SEMA5B: variants seen among roughly 807,000 people sequenced by gnomAD.
The protein encoded by SEMA5B is semaphorin 5B, also known as semaphorin-5B.
A neutral mutation model predicts 135.0 loss-of-function variants in SEMA5B; 66 were observed. The ratio of observed to expected loss-of-function variants is 0.49; its 90% CI spans 0.40 to 0.60. The LOEUF is 0.60. Among genes scored for constraint, SEMA5B ranks in the 20% least tolerant of loss-of-function variants. The pLI is 0.00. For missense variants in SEMA5B, 1,501 were observed against 1,566.3 expected, an observed-to-expected ratio of 0.96 and a Z score of 0.70; for synonymous variants, 690 against 639.5, an observed-to-expected ratio of 1.08 and a Z score of -1.19.
At chr3:122,959,014 G>T (rs756767870) in intron 2 of SEMA5B, among the ~76,000 whole-genome samples, 2 of 152,190 alleles carry the variant, frequency 1.3e-5, no homozygotes, top group Admixed American at 1.3e-4. Context: ...AACAAGAAGG[G>T]CTCTGACACA....
In SEMA5B at chr3:122,928,504, C is replaced by A; in HGVS notation, c.636+13G>T. On this transcript the variant is annotated intron_variant, in intron 7 of 22. Transcript: ENST00000357599. Reference sequence around the variant, plus strand: ...GGTGCCCCCTTCAGTCTCCTCCACCCTGAGGTGCCCACCTGTCTGCTGGTG... The same window carrying A: ...GGTGCCCCCTTCAGTCTCCTCCACCATGAGGTGCCCACCTGTCTGCTGGTG... The A allele has an allele frequency of 6.5e-7, 1 of 1,549,138 alleles. No individual in the cohort carries two copies. Among genetic ancestry groups the A allele is most frequent in the Non-Finnish European group, 8.7e-7 (1 of 1,145,440 alleles).
At chr3:122,966,907 G>A (rs996340469) in intron 1 of SEMA5B, among the ~76,000 whole-genome samples, 4 of 143,028 alleles carry the variant, frequency 2.8e-5, no homozygotes, top group African/African-American at 1.0e-4. Flanking sequence ...TATTAGAGAT[G>A]GAGTTTCACT....
At chr3:122,943,986 C>T (rs1345742330) in intron 3 of SEMA5B, among the ~76,000 whole-genome samples, 1 of 152,148 alleles carries the variant, frequency 6.6e-6, no homozygotes, top group African/African-American at 2.4e-5. Flanking sequence ...CAGGCCTGCC[C>T]CTCGAGTCCT....
chr3:122,925,787 A>C (rs757972765), intron 9 of SEMA5B, among the ~76,000 whole-genome samples: 5 of 151,628 alleles, frequency 3.3e-5, no homozygotes, highest in Non-Finnish European at 7.4e-5. Context: ...ATGCAGCCCA[A>C]AGGCTTTGGG....
rs141839041 is a variant in SEMA5B at position 122,930,475 on chromosome 3, G to A, written c.475-1417C>T. 4.0e-3 allele frequency among the ~76,000 whole-genome samples: 607 copies of A among 152,346 alleles called. 3 individuals carry two copies. The highest frequency in any genetic ancestry group is 0.014 in the African/African-American group (590 of 41,572). ...AGGCTGAGCCTGATATGAGAGAAGA[G>A]AGGGCCATAAATAAGAAATCTCAGG... On this transcript the variant is annotated intron_variant, in intron 5 of 22. Coordinates refer to ENST00000357599, the MANE Select transcript of SEMA5B (RefSeq NM_001031702.4).
chr3:122,969,792 C>T (rs888151675), intron 1 of SEMA5B, among the ~76,000 whole-genome samples: 2 of 152,150 alleles, frequency 1.3e-5, no homozygotes, highest in African/African-American at 2.4e-5. Context: ...CAGAGAGCAG[C>T]GAGGCAGATA....
intron 1 of SEMA5B, among the ~76,000 whole-genome samples, chr3:123,009,474 C>T (rs1036135321): frequency 5.3e-5 from 8 of 152,066 alleles, no homozygotes; most frequent in African/African-American, 1.9e-4. Flanking sequence ...GCCCACCCAC[C>T]ACTGTATTTA....
chr3:122,925,175 C>A (rs1226453678), intron 9 of SEMA5B, among the ~76,000 whole-genome samples: 1 of 152,050 alleles, frequency 6.6e-6, no homozygotes, highest in Non-Finnish European at 1.5e-5. Flanking sequence ...TGAGCAAACA[C>A]CACTCCATGC....
chr3:122,948,554 C>T lies in SEMA5B; in HGVS notation c.280G>A (p.Glu94Lys), dbSNP rs746400168. 28 of 1,611,512 alleles carry T rather than the reference C, an allele frequency of 1.7e-5. No homozygotes were observed. The highest frequency in any genetic ancestry group is 2.4e-5 in the Non-Finnish European group (28 of 1,178,280). Residue 94 changes from glutamate (E) to lysine (K), a missense_variant, in exon 3 of 23, where the codon GAG becomes AAG. Physicochemically the swap from Glu to Lys is moderately conservative, Grantham distance 56 (BLOSUM62 1). Coordinates refer to ENST00000357599, the MANE Select transcript of SEMA5B (RefSeq NM_001031702.4). ...SQDVSSEPSS[E>K]QQLCALSKHP... The stretch of plus-strand genomic sequence containing the variant: ...TTGCTAAGGGCGCACAGCTGCTGCT[C>T]ACTGCTGGGCTCACTGGAGACATCC...
chr3:123,011,345 C>T (rs1201184453), intron 1 of SEMA5B, among the ~76,000 whole-genome samples: 1 of 152,220 alleles, frequency 6.6e-6, no homozygotes, highest in African/African-American at 2.4e-5. Context: ...ACATGGTCAC[C>T]CCATTCAGCC....
intron 1 of SEMA5B, among the ~76,000 whole-genome samples, chr3:123,020,245 G>T (rs928283751): frequency 3.3e-5 from 5 of 152,194 alleles, no homozygotes; most frequent in African/African-American, 1.2e-4. Flanking sequence ...TGGAATACCA[G>T]GCAGCCATTA....
Position 122,933,193 on chromosome 3 carries a change from G to A in SEMA5B, c.475-4135C>T, listed in dbSNP as rs565973589. ...TCTTTCCTCTCCTGCTTTCCGAATC[G>A]CATGTTTCCCTCTTTCTTGATTTAT... On this transcript the variant is annotated intron_variant, in intron 5 of 22. Coordinates refer to ENST00000357599, the MANE Select transcript of SEMA5B (RefSeq NM_001031702.4). 2.2e-4 allele frequency among the ~76,000 whole-genome samples: 33 copies of A among 151,818 alleles called. 1 individual carries two copies. The South Asian group carries it at 6.3e-3, about 29-fold the overall frequency.
intron 1 of SEMA5B, among the ~76,000 whole-genome samples, chr3:122,973,763 A>G (rs946544745): frequency 6.6e-5 from 10 of 151,880 alleles, no homozygotes; most frequent in Non-Finnish European, 1.3e-4. Flanking sequence ...GGAATCTGCA[A>G]CCCACCAAGT....
chr3:122,910,367 A>G (rs1937624571), intron 22 of SEMA5B, 66 bp from the exon 23 acceptor site: 1 of 1,554,366 alleles, frequency 6.4e-7, no homozygotes, highest in African/African-American at 1.4e-5. Context: ...AACAGGCCAG[A>G]GCAAGGAGTC....
rs762077368 is a variant in SEMA5B at position 122,915,831 on chromosome 3, C to A, written c.1748G>T (p.Ser583Ile). The change falls in exon 13 of 23, where the codon AGC becomes ATC. Residue 583 changes from serine (S) to isoleucine (I), a missense_variant. Ser to Ile is a moderately radical substitution (Grantham distance 142). Transcript: ENST00000357599. Reference sequence around the variant, plus strand: ...CATGTTGGAGCTGTCCTCGAGTGTGCTGCAACGTTGCTGCTTCCCGTCCCA... The same window carrying A: ...CATGTTGGAGCTGTCCTCGAGTGTGATGCAACGTTGCTGCTTCCCGTCCCA... The part of the protein sequence containing the change: ...CGWDGKQQRC[S>I]TLEDSSNMSL... The A allele has an allele frequency of 1.2e-6, 2 of 1,613,960 alleles. No homozygotes were observed. The highest frequency in any genetic ancestry group is 2.7e-5 in the African/African-American group (2 of 74,884).
At chr3:123,027,965 C>A (rs552246076), upstream of SEMA5B, among the ~76,000 whole-genome samples, 2 of 152,164 alleles carry the variant, frequency 1.3e-5, no homozygotes, top group Non-Finnish European at 2.9e-5. Flanking sequence ...GGCCGACTCC[C>A]GCCCCGGGCC....
intron 1 of SEMA5B, among the ~76,000 whole-genome samples, chr3:123,019,118 G>A (rs575394428): frequency 6.6e-6 from 1 of 152,142 alleles, no homozygotes; most frequent in Non-Finnish European, 1.5e-5. Flanking sequence ...GGGAATATTT[G>A]TGAACAACTT....
chr3:122,922,551 C>A lies in SEMA5B; in HGVS notation c.1273-104G>T, dbSNP rs1265128603. On this transcript the variant is annotated intron_variant, in intron 10 of 22. Coordinates refer to ENST00000357599, the MANE Select transcript of SEMA5B (RefSeq NM_001031702.4). ...ACCCAGGTGGCCACAGCAGCGGACG[C>A]TGATTCTCCAGCACCCCCCACCCCT... The A allele has an allele frequency of 4.7e-6, 5 of 1,068,892 alleles. No homozygotes were observed. In the Admixed American group the frequency reaches 8.5e-5, roughly 18 times the overall value. 66.2% of individuals were successfully genotyped at this position (1,068,892 alleles called of 1,614,324 possible).
rs1288203257 is a variant in SEMA5B, at chr3:122,909,805, T to G, written c.*338A>C. The G allele has an allele frequency of 9.4e-6, 2 of 213,700 alleles. No individual in the cohort carries two copies. Among genetic ancestry groups the G allele is most frequent in the Non-Finnish European group, 1.8e-5 (2 of 108,798 alleles). 13.2% of individuals were successfully genotyped at this position (213,700 alleles called of 1,614,324 possible). A position where few individuals can be genotyped will look rare whatever the true frequency, so the allele number is the denominator to read the frequency against. ...TGTCTCCAACCCAAACTTAAAAGCC[T>G]GCCCTCTTGCCATCTCCATTCTCCA... On this transcript the variant is annotated 3_prime_UTR_variant, in exon 23 of 23. Coordinates refer to ENST00000357599, the MANE Select transcript of SEMA5B (RefSeq NM_001031702.4).
Sources: gnomAD v4.1 joint callset for allele counts (sites outside exome capture counted in the v4.1 genomes callset) on GRCh38, gnomAD v4.1.1 for gene constraint, MANE v1.5 for transcripts, NCBI Gene and HGNC (gene_info 2026-07-23, HGNC 2026-07-21) for gene names.